Variants in DVL1 observed in about 807,000 individuals in gnomAD.
DVL1 encodes the protein dishevelled segment polarity protein 1.
A neutral mutation model predicts 65.0 loss-of-function variants in DVL1; 49 were observed. That is an observed-to-expected ratio of 0.75 (90% CI 0.60 to 0.96). DVL1 has a LOEUF of 0.96. Among genes scored for constraint, DVL1 ranks in the 40% least tolerant of loss-of-function variants. DVL1 has a pLI of 0.00. For synonymous variants in DVL1, 608 were observed against 433.9 expected (o/e 1.40, Z -4.99); for missense variants, 1,197 against 1,045.4 (o/e 1.15, Z -2.00).
At position 1,340,051 on chromosome 1, in the gene DVL1, T is replaced by C; in HGVS notation, c.896A>G (p.Asp299Gly). The change falls in exon 8 of 15, where the codon GAC becomes GGC. Residue 299 changes from aspartate to glycine, a missense_variant. Transcript: ENST00000378888. ...CCACAGACACACCTGCAGCAACATG[T>C]CGCCGGGCTCGATGCGGCCGTCAGC... ...VAADGRIEPG[D>G]MLLQVNDVNF... 1 of 1,612,434 alleles carries C rather than the reference T, an allele frequency of 6.2e-7. No individual in the cohort carries two copies. Among genetic ancestry groups the C allele is most frequent in the South Asian group, 1.1e-5 (1 of 91,036 alleles).
At chr1:1,347,304 C>T (rs150950821) in intron 1 of DVL1, among the ~76,000 whole-genome samples, 129 of 152,314 alleles carry the variant, frequency 8.5e-4, no homozygotes, top group African/African-American at 2.9e-3. Context: ...GGCCGCATCC[C>T]CAAGCCTGCC....
At position 1,337,277 on chromosome 1, in the gene DVL1, G is replaced by A. The variant is rs142286493; in HGVS notation, c.1714+700C>T. ...TCGCCCTCCTTCCTGGGCCCTCCAC[G>A]AAGCCACCTGCACCCCTCCCTGGCC... On this transcript the variant is annotated intron_variant, in intron 14 of 14. Transcript: ENST00000378888. 3.4e-4 allele frequency among the ~76,000 whole-genome samples: 51 copies of A among 152,208 alleles called. No homozygotes were observed. The East Asian group carries it at 8.3e-3, about 25-fold the overall frequency.
intron 5 of DVL1, 96 bp downstream of exon 5, chr1:1,341,571 C>T (rs949211037): frequency 6.9e-6 from 10 of 1,440,106 alleles, no homozygotes; most frequent in Non-Finnish European, 9.3e-6. Flanking sequence ...CACACACGTG[C>T]AATGTGAAAA....
At chr1:1,348,569 C>G (rs1230353150) in intron 1 of DVL1, among the ~76,000 whole-genome samples, 4 of 152,236 alleles carry the variant, frequency 2.6e-5, no homozygotes, top group Non-Finnish European at 5.9e-5. Context: ...CTGACCCCAG[C>G]CCGCACCAAC....
rs1643847923 is a variant in DVL1 at position 1,341,995 on chromosome 1, C to T, written c.466+58G>A. On this transcript the variant is annotated intron_variant, in intron 4 of 14. Transcript: ENST00000378888. ...AGGAACTGCTGTAGTAGGAACATGG[C>T]TCATGGGGGTCCCAGGGAGGCTGGG... 3 of 1,492,908 alleles carry T rather than the reference C, an allele frequency of 2.0e-6. No individual in the cohort carries two copies. The South Asian group carries it at 3.7e-5, about 19-fold the overall frequency. The allele number at this position is 1,492,908 out of a possible 1,614,324, so 92.5% of individuals were successfully genotyped here.
At chr1:1,338,229 T>TTGCCGC in intron 13 of DVL1, 40 bp downstream of exon 13, 1 of 1,522,366 alleles carries the variant, frequency 6.6e-7, no homozygotes, top group Non-Finnish European at 9.0e-7. Context: ...CCTCCGGCGT[T>TTGCCGC]CCCCTCCCCC....
intron 11 of DVL1, 86 bp downstream of exon 11, chr1:1,339,201 G>A (rs772947278): frequency 9.9e-6 from 15 of 1,511,406 alleles, no homozygotes; most frequent in East Asian, 4.9e-5. Context: ...GCCCCATGAC[G>A]GCCACAGGCG....
chr1:1,345,247 C>T (rs1643899508), intron 1 of DVL1, among the ~76,000 whole-genome samples: 1 of 152,194 alleles, frequency 6.6e-6, no homozygotes, highest in Non-Finnish European at 1.5e-5. Context: ...ACTCACTCCG[C>T]CCTCTTCAGC....
intron 4 of DVL1, 123 bp downstream of exon 4, chr1:1,341,930 G>A: frequency 2.1e-6 from 3 of 1,460,988 alleles, no homozygotes; most frequent in South Asian, 2.7e-5. Flanking sequence ...GGCTCGCTGG[G>A]CCTGTGCCTC....
At chr1:1,347,679 G>C (rs540074089) in intron 1 of DVL1, among the ~76,000 whole-genome samples, 16 of 152,386 alleles carry the variant, frequency 1.0e-4, no homozygotes, top group Non-Finnish European at 5.9e-5. Context: ...CCCAGGCCCA[G>C]AGAAGCAGGG....
chr1:1,336,921 G>T, intron 14 of DVL1: 1 of 872,752 alleles, frequency 1.1e-6, no homozygotes. Context: ...GGATGACTCA[G>T]CTCAGCCCTG....
In DVL1 at chr1:1,336,435, C is replaced by A; in HGVS notation, c.1795G>T (p.Gly599Cys). ...GTGTGATCCGATTCACTGCCACTGCCCCCAGCTCCCGCCGCCCGACGCTCC... is the reference window on the plus strand; with the variant it reads ...GTGTGATCCGATTCACTGCCACTGCACCCAGCTCCCGCCGCCCGACGCTCC... ...EKERRAAGAG[G>C]SGSESDHTAP... is the part of the protein sequence containing the mutation. Residue 599 changes from glycine to cysteine, a missense_variant, in exon 15 of 15, where the codon GGC becomes TGC. Gly to Cys is a radical substitution (Grantham distance 159). Transcript: ENST00000378888. The A allele has an allele frequency of 6.3e-7, 1 of 1,586,230 alleles. No homozygotes were observed. Among genetic ancestry groups the A allele is most frequent in the South Asian group, 1.1e-5 (1 of 89,382 alleles).
At position 1,340,187 on chromosome 1, in the gene DVL1, G is replaced by A. The variant is rs370241040; in HGVS notation, c.770-10C>T. The stretch of plus-strand genomic sequence containing the variant: ...AGAAAGTGATGTCTTTCTGCAGGAA[G>A]AGCCATGAGCCGCGGCCAAGCCCCT... On this transcript the variant is annotated splice_polypyrimidine_tract_variant and intron_variant, in intron 7 of 14. Transcript: ENST00000378888. 65 of 1,613,730 alleles carry A rather than the reference G, an allele frequency of 4.0e-5. No individual in the cohort carries two copies. Among genetic ancestry groups the A allele is most frequent in the South Asian group, 1.3e-4 (12 of 91,080 alleles).
rs983325033 is a variant in DVL1 at position 1,336,448 on chromosome 1, C to T, written c.1782G>A (p.Ala594=). The T allele has an allele frequency of 1.8e-5, 29 of 1,574,624 alleles. No homozygotes were observed. The highest frequency in any genetic ancestry group is 1.7e-4 in the Middle Eastern group (1 of 5,876). Residue 594 remains alanine, a synonymous_variant, in exon 15 of 15, where the codon GCG becomes GCA. Coordinates refer to ENST00000378888, the MANE Select transcript of DVL1 (RefSeq NM_001330311.2). ...CACTGCCACTGCCCCCAGCTCCCGCCGCCCGACGCTCCTTCTCACGGCCCG... is the reference window on the plus strand; with the variant it reads ...CACTGCCACTGCCCCCAGCTCCCGCTGCCCGACGCTCCTTCTCACGGCCCG... ...RAPGREKERR[A]AGAGGSGSES...
Position 1,338,506 on chromosome 1 carries a change from G to T in DVL1, c.1339+16C>A, listed in dbSNP as rs747583654. ...CCTGCCCCTGGCACTATCCGCCCGC[G>T]GGGACGGCCACTCACCGATGACGGC... On this transcript the variant is annotated intron_variant, in intron 12 of 14. Transcript: ENST00000378888. 6.2e-7 allele frequency: 1 copy of T among 1,611,866 alleles called. No individual in the cohort carries two copies. The highest frequency in any genetic ancestry group is 8.5e-7 in the Non-Finnish European group (1 of 1,179,382).
At chr1:1,342,862 C>T in intron 1 of DVL1, 104 bp from the exon 2 acceptor site, 2 of 1,064,486 alleles carry the variant, frequency 1.9e-6, no homozygotes, top group East Asian at 2.4e-5. Context: ...CACAATGTCA[C>T]TCTGTGGACA....
At chr1:1,338,229 T>TTGCCCCCCCCCCCCCCCCCC in intron 13 of DVL1, 40 bp downstream of exon 13, 1 of 1,522,370 alleles carries the variant, frequency 6.6e-7, no homozygotes, top group Non-Finnish European at 9.0e-7. Flanking sequence ...CCTCCGGCGT[T>TTGCCCCCCCCCCCCCCCCCC]CCCCTCCCCC....
chr1:1,341,164 C>T (rs1315077147), intron 5 of DVL1, among the ~76,000 whole-genome samples: 4 of 150,480 alleles, frequency 2.7e-5, no homozygotes, highest in Non-Finnish European at 4.4e-5. Flanking sequence ...TACACCTGTA[C>T]AAGCACACCT....
chr1:1,348,824 C>T (rs576185934), intron 1 of DVL1, 72 bp downstream of exon 1: 2 of 1,354,152 alleles, frequency 1.5e-6, no homozygotes, highest in South Asian at 1.5e-5. Flanking sequence ...AGGACCCCCG[C>T]CCCGTCCCCG....
Sources: gnomAD v4.1 joint callset for allele counts (sites outside exome capture counted in the v4.1 genomes callset) on GRCh38, gnomAD v4.1.1 for gene constraint, MANE v1.5 for transcripts, NCBI Gene and HGNC (gene_info 2026-07-23, HGNC 2026-07-21) for gene names.